CD99: variants seen among roughly 807,000 people sequenced by gnomAD.
The protein encoded by CD99 is CD99 antigen.
CD99 carries 19 observed loss-of-function variants against 28.4 expected under a neutral mutation model. The ratio of observed to expected loss-of-function variants is 0.67; its 90% CI spans 0.47 to 0.98. The LOEUF is 0.98. Among genes scored for constraint, CD99 ranks in the 50% least tolerant of loss-of-function variants. The pLI is 0.00. For synonymous variants in CD99, 103 were observed against 92.1 expected, an observed-to-expected ratio of 1.12 and a Z score of -0.67; for missense variants, 283 against 248.8, an observed-to-expected ratio of 1.14 and a Z score of -0.92.
intron 1 of CD99, among the ~76,000 whole-genome samples, chrX:2,699,415 ACCTCGGCTTC>A (rs2047737976): frequency 7.1e-6 from 1 of 141,426 alleles, no homozygotes; most frequent in South Asian, 2.2e-4. Context: ...TGATCTGCCC[ACCTCGGCTTC>A]CCAAAGTGCT....
chrX:2,733,328 T>C, intron 8 of CD99: 3 of 1,561,664 alleles, frequency 1.9e-6, no homozygotes, highest in South Asian at 2.4e-5. Context: ...GTATTATTAT[T>C]TTTTATCGTT....
intron 1 of CD99, among the ~76,000 whole-genome samples, chrX:2,703,766 AAGG>A (rs1299185842): frequency 1.1e-4 from 17 of 151,982 alleles, no homozygotes; most frequent in African/African-American, 3.9e-4. Flanking sequence ...ACCACTTTGA[AAGG>A]AGATCAGCAG....
chrX:2,722,776 C>A, intron 6 of CD99, 102 bp downstream of exon 6: 1 of 1,181,736 alleles, frequency 8.5e-7, no homozygotes, highest in Non-Finnish European at 1.3e-6. Context: ...TCTCTGTGAA[C>A]TCACAGTGAA....
chrX:2,704,378 G>A (rs1344936669), intron 1 of CD99, among the ~76,000 whole-genome samples: 4 of 152,044 alleles, frequency 2.6e-5, no homozygotes, highest in East Asian at 1.9e-4. Context: ...TTAGGCCACC[G>A]CAGACAAGGA....
intron 8 of CD99, among the ~76,000 whole-genome samples, chrX:2,736,819 T>G (rs1369272728): frequency 1.3e-5 from 2 of 151,824 alleles, no homozygotes; most frequent in Admixed American, 6.6e-5. Flanking sequence ...ATCGCGCCAC[T>G]GCACTCCAGC....
chrX:2,738,837 T>G (rs991013179), intron 9 of CD99, among the ~76,000 whole-genome samples: 1 of 151,656 alleles, frequency 6.6e-6, no homozygotes, highest in Admixed American at 6.6e-5. Context: ...ACTCGTTAAG[T>G]TTTGCTGTCA....
intron 3 of CD99, among the ~76,000 whole-genome samples, chrX:2,718,602 C>G (rs1006261687): frequency 2.0e-5 from 3 of 152,132 alleles, no homozygotes; most frequent in Non-Finnish European, 4.4e-5. Flanking sequence ...ATCTCCTGAC[C>G]TTGTGATCCA....
chrX:2,692,300 G>A (rs917994735), intron 1 of CD99: 42 of 244,240 alleles, frequency 1.7e-4, no homozygotes, highest in African/African-American at 9.1e-4. Context: ...GTATGGGCAG[G>A]CTTTTAAGTA....
chrX:2,730,175 CTT>C (rs58977521), intron 8 of CD99, among the ~76,000 whole-genome samples: 39,960 of 139,560 alleles, frequency 0.29, 6,165 homozygotes, highest in East Asian at 0.51. Context: ...ATAAAAATAC[CTT>C]TTTTTTTTTT....
intron 1 of CD99, among the ~76,000 whole-genome samples, chrX:2,698,347 T>C (rs1268087883): frequency 6.6e-6 from 1 of 152,088 alleles, no homozygotes; most frequent in Non-Finnish European, 1.5e-5. Context: ...TTAAAATCTT[T>C]TTGTAGAATC....
At chrX:2,699,861 G>A (rs2047764361) in intron 1 of CD99, among the ~76,000 whole-genome samples, 1 of 152,158 alleles carries the variant, frequency 6.6e-6, no homozygotes, top group Admixed American at 6.6e-5. Flanking sequence ...TCCTACATGA[G>A]ATTTCCCATG....
At chrX:2,707,404 G>A (rs901044293) in intron 1 of CD99, among the ~76,000 whole-genome samples, 8 of 152,146 alleles carry the variant, frequency 5.3e-5, no homozygotes, top group African/African-American at 1.7e-4. Flanking sequence ...CGTTTGCCCC[G>A]GTTGAGTGCA....
At chrX:2,708,648 G>T (rs1421834889) in intron 1 of CD99, among the ~76,000 whole-genome samples, 9 of 152,168 alleles carry the variant, frequency 5.9e-5, no homozygotes, top group Admixed American at 1.3e-4. Flanking sequence ...GGGCTGAGGC[G>T]AGTTCTCCAA....
Position 2,725,653 on chromosome X carries a change from G to A in CD99, c.362-607G>A, listed in dbSNP as rs1405304695. ...TTTTGAGATGGTGAATTGCTCTGTC[G>A]CCCAGGCTGGAGTGCAGCGGCACAA... On this transcript the variant is annotated intron_variant, in intron 7 of 9. Coordinates refer to ENST00000381192, the MANE Select transcript of CD99 (RefSeq NM_002414.5). Among the ~76,000 whole-genome samples, 5 of 151,974 alleles carry A rather than the reference G, an allele frequency of 3.3e-5. No individual in the cohort carries two copies. The East Asian group carries it at 5.8e-4, about 18-fold the overall frequency.
At chrX:2,726,452 A>G in intron 8 of CD99, 79 bp downstream of exon 8, 1 of 932,856 alleles carries the variant, frequency 1.1e-6, no homozygotes, top group Non-Finnish European at 1.8e-6. Context: ...GGCAGAAACC[A>G]AACTCGGGCT....
intron 5 of CD99, among the ~76,000 whole-genome samples, 181 bp downstream of exon 5, chrX:2,720,605 T>A (rs2048945801): frequency 1.3e-5 from 2 of 150,590 alleles, no homozygotes; most frequent in Admixed American, 6.8e-5. Flanking sequence ...TAGCTTGGAT[T>A]TTATTTTTAG....
intron 1 of CD99, among the ~76,000 whole-genome samples, chrX:2,709,413 C>T (rs1285933079): frequency 1.3e-5 from 2 of 152,240 alleles, no homozygotes; most frequent in East Asian, 1.9e-4. Context: ...CAGGCAAACA[C>T]GCAGACACAT....
At chrX:2,713,310 CAAAA>C (rs945766416) in intron 1 of CD99, among the ~76,000 whole-genome samples, 1 of 121,912 alleles carries the variant, frequency 8.2e-6, no homozygotes, top group Admixed American at 8.4e-5. Flanking sequence ...CATATGCACA[CAAAA>C]AACACACTAC....
chrX:2,703,944 C>T (rs1459562084), intron 1 of CD99, among the ~76,000 whole-genome samples: 2 of 152,054 alleles, frequency 1.3e-5, no homozygotes, highest in Non-Finnish European at 2.9e-5. Context: ...GAGCAGGGAA[C>T]CCCGAGCAGC....
Sources: gnomAD v4.1 joint callset for allele counts (sites outside exome capture counted in the v4.1 genomes callset) on GRCh38, gnomAD v4.1.1 for gene constraint, MANE v1.5 for transcripts, NCBI Gene and HGNC (gene_info 2026-07-23, HGNC 2026-07-21) for gene names.